The following NREP variants were observed in gnomAD, a reference collection of about 807,000 sequenced individuals.
The protein encoded by NREP is neuronal regeneration related protein, also known as neuronal regeneration-related protein.
NREP carries 5 observed loss-of-function variants against 8.6 expected under a neutral mutation model. The observed-to-expected ratio is 0.58, with a 90% CI of 0.30 to 1.22. The LOEUF is 1.22. NREP is among the 50% of genes most tolerant of loss of function. The probability of loss-of-function intolerance (pLI) is 0.07; values close to 1 mark genes in which losing one functional copy is unlikely to be tolerated. For synonymous variants in NREP, 27 were observed against 28.0 expected, an observed-to-expected ratio of 0.96 and a Z score of 0.11; for missense variants, 86 against 82.5, an observed-to-expected ratio of 1.04 and a Z score of -0.17.
intron 2 of NREP, among the ~76,000 whole-genome samples, chr5:111,955,756 C>T (rs1319892662): frequency 6.6e-6 from 1 of 151,880 alleles, no homozygotes; most frequent in Non-Finnish European, 1.5e-5. Context: ...TATCCAGGTG[C>T]CAGAAATGTC....
intron 2 of NREP, among the ~76,000 whole-genome samples, chr5:111,943,521 G>T (rs1189720898): frequency 1.3e-5 from 2 of 152,070 alleles, no homozygotes; most frequent in Non-Finnish European, 2.9e-5. Flanking sequence ...TTGTATTATA[G>T]ATGGGCACTG....
At chr5:111,945,533 GAA>G in intron 2 of NREP, among the ~76,000 whole-genome samples, 1 of 149,952 alleles carries the variant, frequency 6.7e-6, no homozygotes, top group Non-Finnish European at 1.5e-5. Flanking sequence ...GGAAAAAGAA[GAA>G]AAAATGAAAA....
At chr5:111,906,303 T>C (rs1413445475) in intron 2 of NREP, among the ~76,000 whole-genome samples, 1 of 149,488 alleles carries the variant, frequency 6.7e-6, no homozygotes, top group Non-Finnish European at 1.5e-5. Context: ...AATATTTTTA[T>C]AGATTCACAA....
intron 2 of NREP, among the ~76,000 whole-genome samples, chr5:111,929,126 A>G (rs771066281): frequency 6.6e-6 from 1 of 152,152 alleles, no homozygotes; most frequent in Non-Finnish European, 1.5e-5. Flanking sequence ...AGTAAATGGT[A>G]CTAATAGTTT....
intron 2 of NREP, among the ~76,000 whole-genome samples, chr5:111,917,171 T>A (rs988893872): frequency 6.6e-6 from 1 of 152,092 alleles, no homozygotes; most frequent in African/African-American, 2.4e-5. Context: ...GTTTAAGAAG[T>A]CATATGCTAG....
chr5:111,774,670 G>A (rs1032218088), intron 2 of NREP, among the ~76,000 whole-genome samples: 11 of 152,194 alleles, frequency 7.2e-5, no homozygotes, highest in Non-Finnish European at 1.6e-4. Context: ...CTGACAGCCA[G>A]TAAGGAAATG....
At chr5:111,759,769 CTG>C (rs938230850), upstream of NREP, among the ~76,000 whole-genome samples, 425 of 152,292 alleles carry the variant, frequency 2.8e-3, 1 homozygote, top group African/African-American at 1.0e-2. Context: ...CTCACTCAAA[CTG>C]TAGCTATAGC....
intron 2 of NREP, among the ~76,000 whole-genome samples, chr5:111,790,438 A>C (rs1279918325): frequency 6.7e-6 from 1 of 150,148 alleles, no homozygotes; most frequent in African/African-American, 2.5e-5. Flanking sequence ...GAAAATAATC[A>C]GAAAAAGTAT....
intron 2 of NREP, among the ~76,000 whole-genome samples, chr5:111,767,205 T>G (rs544435604): frequency 2.6e-5 from 4 of 152,330 alleles, no homozygotes; most frequent in Admixed American, 1.3e-4. Flanking sequence ...TAAACTGGAT[T>G]TAAGCTTTTA....
intron 2 of NREP, among the ~76,000 whole-genome samples, chr5:111,855,442 A>C (rs1363280758): frequency 1.3e-5 from 2 of 152,174 alleles, no homozygotes; most frequent in African/African-American, 4.8e-5. Flanking sequence ...CAAGCTTTTT[A>C]ACCAAATAGG....
intron 2 of NREP, among the ~76,000 whole-genome samples, chr5:111,751,292 G>T (rs1431214409): frequency 1.3e-5 from 2 of 152,128 alleles, no homozygotes. Context: ...TAACTGAAGT[G>T]ATATTTAGAA....
At chr5:111,810,880 G>C (rs1232699870) in intron 2 of NREP, among the ~76,000 whole-genome samples, 1 of 152,144 alleles carries the variant, frequency 6.6e-6, no homozygotes, top group East Asian at 1.9e-4. Context: ...GTTAAGTAAA[G>C]TAATTCTTTC....
chr5:111,743,308 C>A (rs1749799660), intron 2 of NREP, among the ~76,000 whole-genome samples: 1 of 151,780 alleles, frequency 6.6e-6, no homozygotes, highest in South Asian at 2.1e-4. Context: ...GCAAAAAGGC[C>A]CCTCAGGCAT....
intron 2 of NREP, among the ~76,000 whole-genome samples, chr5:111,947,323 T>A (rs1756016726): frequency 6.6e-6 from 1 of 151,976 alleles, no homozygotes; most frequent in Non-Finnish European, 1.5e-5. Flanking sequence ...GTTCTTTCAA[T>A]TAAGAACTGA....
At chr5:111,810,802 G>A (rs545575831) in intron 2 of NREP, among the ~76,000 whole-genome samples, 5 of 152,224 alleles carry the variant, frequency 3.3e-5, no homozygotes, top group Admixed American at 2.6e-4. Context: ...GTTTTGGGGG[G>A]TACAAAATAG....
Position 111,730,886 on chromosome 5 carries a change from A to T in NREP, c.*35T>A, listed in dbSNP as rs1312463721. 1 of 1,612,150 alleles carries T rather than the reference A, an allele frequency of 6.2e-7. No individual in the cohort carries two copies. Among genetic ancestry groups the T allele is most frequent in the Non-Finnish European group, 8.5e-7 (1 of 1,178,710 alleles). On this transcript the variant is annotated 3_prime_UTR_variant, in exon 4 of 4. Coordinates refer to ENST00000257435, the MANE Select transcript of NREP (RefSeq NM_004772.4). ...TGATACCATGACCTCATCAATACCC[A>T]TACACCATATGTAATACAAATGGAG...
intron 2 of NREP, among the ~76,000 whole-genome samples, chr5:111,807,228 C>G (rs1489894183): frequency 6.6e-6 from 1 of 152,080 alleles, no homozygotes; most frequent in Non-Finnish European, 1.5e-5. Context: ...AACTGGAAAG[C>G]CAGAAATTCT....
intron 3 of NREP, 78 bp downstream of exon 3, chr5:111,735,352 T>C: frequency 1.0e-6 from 1 of 1,001,732 alleles, no homozygotes; most frequent in South Asian, 1.4e-5. Context: ...GGTATTCAAA[T>C]GAAAAAGCTC....
In NREP at chr5:111,911,828, C is replaced by T. The variant is rs138217886; in HGVS notation, c.135+63446G>A. 3.4e-4 allele frequency among the ~76,000 whole-genome samples: 51 copies of T among 152,188 alleles called. No homozygotes were observed. In the East Asian group the frequency reaches 9.3e-3, roughly 28 times the overall value. Reference sequence around the variant, plus strand: ...GAATCCAAACCGAAAATAATTTATACTCATTGCCTACCTACTATGTACCTA... The same window carrying T: ...GAATCCAAACCGAAAATAATTTATATTCATTGCCTACCTACTATGTACCTA... On this transcript the variant is annotated intron_variant, in intron 2 of 3. Transcript: ENST00000395634.
Sources: gnomAD v4.1 joint callset for allele counts (sites outside exome capture counted in the v4.1 genomes callset) on GRCh38, gnomAD v4.1.1 for gene constraint, MANE v1.5 for transcripts, NCBI Gene and HGNC (gene_info 2026-07-23, HGNC 2026-07-21) for gene names.